The following RALGPS2 variants were observed in gnomAD, a reference collection of about 807,000 sequenced individuals.
RALGPS2 encodes the protein ras-specific guanine nucleotide-releasing factor RalGPS2.
RALGPS2 carries 43 observed loss-of-function variants against 86.8 expected under a neutral mutation model. The ratio of observed to expected loss-of-function variants is 0.50; its 90% CI spans 0.39 to 0.64. The LOEUF (loss-of-function observed/expected upper bound fraction) is 0.64, where lower values mean the gene tolerates loss of function less well. RALGPS2 is among the 30% of genes least tolerant of loss of function. The pLI is 0.00. For synonymous variants in RALGPS2, 243 were observed against 231.3 expected (o/e 1.05, Z -0.46); for missense variants, 536 against 694.6 (o/e 0.77, Z 2.57).
At chr1:178,889,879 C>T (rs942696264) in intron 14 of RALGPS2, among the ~76,000 whole-genome samples, 183 bp downstream of exon 14, 1 of 151,876 alleles carries the variant, frequency 6.6e-6, no homozygotes, top group African/African-American at 2.4e-5. Flanking sequence ...GAATGATAGT[C>T]TTATCTCTAA....
chr1:178,832,059 T>C (rs1423122393), intron 7 of RALGPS2, among the ~76,000 whole-genome samples: 1 of 152,174 alleles, frequency 6.6e-6, no homozygotes, highest in African/African-American at 2.4e-5. Context: ...TATCCCTATG[T>C]CACATAACTA....
intron 7 of RALGPS2, among the ~76,000 whole-genome samples, chr1:178,825,330 C>T (rs1258585432): frequency 6.6e-6 from 1 of 151,874 alleles, no homozygotes; most frequent in Non-Finnish European, 1.5e-5. Context: ...GAAACTAAGC[C>T]AAGTAAAAGG....
At chr1:178,802,090 G>A (rs1372687135) in intron 4 of RALGPS2, among the ~76,000 whole-genome samples, 2 of 151,970 alleles carry the variant, frequency 1.3e-5, no homozygotes, top group African/African-American at 2.4e-5. Context: ...CCCAGAAGTC[G>A]AAAATTTGCA....
intron 6 of RALGPS2, among the ~76,000 whole-genome samples, chr1:178,812,208 G>T (rs539900652): frequency 6.6e-6 from 1 of 152,076 alleles, no homozygotes; most frequent in South Asian, 2.1e-4. Context: ...GGGGGAGGGG[G>T]TACATAAGAG....
chr1:178,752,317 A>AT (rs562112755), intron 1 of RALGPS2, among the ~76,000 whole-genome samples: 42,981 of 137,006 alleles, frequency 0.31, 6,869 homozygotes, highest in Non-Finnish European at 0.38. Flanking sequence ...CTAATTTTTA[A>AT]TTTTTTTTTT....
chr1:178,827,272 C>T (rs1655788725), intron 7 of RALGPS2, among the ~76,000 whole-genome samples: 1 of 152,060 alleles, frequency 6.6e-6, no homozygotes, highest in African/African-American at 2.4e-5. Flanking sequence ...ATCAAAATTT[C>T]AATGACATTT....
chr1:178,786,492 T>C lies in RALGPS2; in HGVS notation c.213+885T>C, dbSNP rs180671483. ...AACAAAGGGACTGGCGTTATGCATC[T>C]ATCCACTATAAGCATGGGGGTGTGT... On this transcript the variant is annotated intron_variant, in intron 4 of 19. Coordinates refer to ENST00000367635, the MANE Select transcript of RALGPS2 (RefSeq NM_152663.5). 5.4e-4 allele frequency among the ~76,000 whole-genome samples: 82 copies of C among 152,172 alleles called. No individual in the cohort carries two copies. In the Middle Eastern group the frequency reaches 0.017, roughly 32 times the overall value.
At chr1:178,909,620 TG>T (rs1472053480) in intron 19 of RALGPS2, among the ~76,000 whole-genome samples, 2 of 151,582 alleles carry the variant, frequency 1.3e-5, no homozygotes, top group African/African-American at 4.8e-5. Context: ...GAGCAATTTT[TG>T]TAATTCTCTT....
intron 6 of RALGPS2, among the ~76,000 whole-genome samples, chr1:178,812,319 C>T (rs1463010571): frequency 2.0e-5 from 3 of 151,972 alleles, no homozygotes; most frequent in African/African-American, 7.3e-5. Context: ...TATGGGAGAG[C>T]GAAGGGAGAA....
At chr1:178,799,536 AG>A (rs1654368231) in intron 4 of RALGPS2, among the ~76,000 whole-genome samples, 1 of 152,132 alleles carries the variant, frequency 6.6e-6, no homozygotes, top group African/African-American at 2.4e-5. Flanking sequence ...TGAGTCTTGA[AG>A]GGAAAAGGTA....
At chr1:178,818,592 C>T (rs1368002813) in intron 6 of RALGPS2, among the ~76,000 whole-genome samples, 1 of 147,690 alleles carries the variant, frequency 6.8e-6, no homozygotes, top group African/African-American at 2.7e-5. Flanking sequence ...AGCACTGACA[C>T]ACAGTAAAGT....
chr1:178,839,857 C>T (rs1315363481), intron 8 of RALGPS2, among the ~76,000 whole-genome samples: 1 of 152,124 alleles, frequency 6.6e-6, no homozygotes, highest in Non-Finnish European at 1.5e-5. Context: ...GGTTGCGATC[C>T]TAGTCTCTGA....
At chr1:178,834,765 A>C (rs1265342130) in intron 8 of RALGPS2, among the ~76,000 whole-genome samples, 3 of 152,044 alleles carry the variant, frequency 2.0e-5, no homozygotes, top group Non-Finnish European at 2.9e-5. Context: ...TGTTGCTGTC[A>C]TTGTTTGTTT....
chr1:178,865,267 T>A (rs758246240), intron 8 of RALGPS2: 22 of 1,614,014 alleles, frequency 1.4e-5, no homozygotes, highest in Non-Finnish European at 1.7e-5. Context: ...CCCTGTATCT[T>A]GTTGCCATCT....
chr1:178,816,413 C>T (rs949260750), intron 6 of RALGPS2, among the ~76,000 whole-genome samples: 1 of 151,578 alleles, frequency 6.6e-6, no homozygotes, highest in African/African-American at 2.4e-5. Context: ...AATCTTTTAC[C>T]CATATTTTTA....
chr1:178,877,523 C>T lies in RALGPS2; in HGVS notation c.633C>T (p.Tyr211=), dbSNP rs186315085. Residue 211 remains tyrosine (Y), a synonymous_variant, in exon 9 of 20, where the codon TAC becomes TAT. Transcript: ENST00000367635. ...GTATCTATTTGTCAGATTTAACATA[C>T]ATCGATTCAGCATACCCATCAACTG... ...YLGIYLSDLT[Y]IDSAYPSTGS... 56 of 1,613,482 alleles carry T rather than the reference C, an allele frequency of 3.5e-5. No homozygotes were observed. The highest frequency in any genetic ancestry group is 5.9e-6 in the Non-Finnish European group (7 of 1,179,572).
At chr1:178,737,612 G>T (rs920080827) in intron 1 of RALGPS2, among the ~76,000 whole-genome samples, 1 of 152,056 alleles carries the variant, frequency 6.6e-6, no homozygotes, top group African/African-American at 2.4e-5. Context: ...GTCCTAGATA[G>T]CCTTTCCTAT....
At chr1:178,915,284 A>T (rs1427684787) in intron 19 of RALGPS2, among the ~76,000 whole-genome samples, 1 of 152,176 alleles carries the variant, frequency 6.6e-6, no homozygotes, top group African/African-American at 2.4e-5. Flanking sequence ...CCCAGCCTGG[A>T]CAGTGCAATG....
intron 6 of RALGPS2, among the ~76,000 whole-genome samples, chr1:178,820,011 TC>T (rs1324346146): frequency 6.6e-6 from 1 of 152,174 alleles, no homozygotes; most frequent in Non-Finnish European, 1.5e-5. Flanking sequence ...GTGGTATAGT[TC>T]ATATACCATC....
Sources: allele counts gnomAD v4.1 joint callset (sites outside exome capture counted in the v4.1 genomes callset), GRCh38; gene constraint gnomAD v4.1.1; transcripts MANE v1.5; gene names NCBI Gene and HGNC (gene_info 2026-07-23, HGNC 2026-07-21).